STK10: variants seen among roughly 807,000 people sequenced by gnomAD.
The protein encoded by STK10 is serine/threonine-protein kinase 10.
A neutral mutation model predicts 113.8 loss-of-function variants in STK10; 78 were observed. The ratio of observed to expected loss-of-function variants is 0.69; its 90% CI spans 0.57 to 0.83. The LOEUF is 0.83. Ranked by LOEUF, STK10 falls within the 40% of genes least tolerant of loss-of-function variation. STK10 has a pLI of 0.00. For synonymous variants in STK10, 465 were observed against 494.7 expected, an observed-to-expected ratio of 0.94 and a Z score of 0.80; for missense variants, 1,109 against 1,280.1, an observed-to-expected ratio of 0.87 and a Z score of 2.04.
intron 17 of STK10, 40 bp from the exon 18 acceptor site, chr5:172,053,082 G>A: frequency 6.4e-7 from 1 of 1,570,660 alleles, no homozygotes; most frequent in Non-Finnish European, 8.8e-7. Context: ...GAAATCAGAA[G>A]ACGCAGGCCC....
At chr5:172,162,246 C>T (rs1770486599) in intron 1 of STK10, among the ~76,000 whole-genome samples, 1 of 152,006 alleles carries the variant, frequency 6.6e-6, no homozygotes, top group East Asian at 1.9e-4. Context: ...GAGGCTGGGG[C>T]AGGAGAATTG....
chr5:172,134,898 T>C (rs1473727177), intron 2 of STK10, among the ~76,000 whole-genome samples: 1 of 150,240 alleles, frequency 6.7e-6, no homozygotes, highest in Non-Finnish European at 1.5e-5. Context: ...CACGCCAGCC[T>C]GGGAGAAAGA....
chr5:172,093,324 C>T lies in STK10; in HGVS notation c.1554+88G>A, dbSNP rs1044725716. 1 of 1,387,612 alleles carries T rather than the reference C, an allele frequency of 7.2e-7. No individual in the cohort carries two copies. The highest frequency in any genetic ancestry group is 9.8e-7 in the Non-Finnish European group (1 of 1,019,582). The allele number at this position is 1,387,612 out of a possible 1,614,324, so 86.0% of individuals were successfully genotyped here. A position where few individuals can be genotyped will look rare whatever the true frequency, so the allele number is the denominator to read the frequency against. ...ATGAACCACTTAAAATGCAAGGAAG[C>T]CCCTAAATGCTTTTGAAACCAAAAT... On this transcript the variant is annotated intron_variant, in intron 9 of 18. Transcript: ENST00000176763. This position sits in a 1 kb window ranked among gnomAD's most constrained non-coding sequence, Gnocchi z 4.1.
chr5:172,150,699 A>T (rs1770205391), intron 2 of STK10, among the ~76,000 whole-genome samples: 3 of 152,006 alleles, frequency 2.0e-5, no homozygotes, highest in Non-Finnish European at 4.4e-5. Context: ...AGCCACAAAA[A>T]CCCTGGCCAG....
intron 9 of STK10, among the ~76,000 whole-genome samples, chr5:172,090,867 G>A (rs1027232035): frequency 2.7e-5 from 4 of 149,316 alleles, no homozygotes; most frequent in Middle Eastern, 3.5e-3. Flanking sequence ...CCCAGGAGGC[G>A]GAGTTTGCAG....
intron 15 of STK10, among the ~76,000 whole-genome samples, chr5:172,056,181 G>A (rs1187468583): frequency 3.3e-5 from 5 of 152,102 alleles, no homozygotes; most frequent in Admixed American, 3.3e-4. Flanking sequence ...GCTCAGCATG[G>A]GCATCACCTC....
chr5:172,096,384 G>A (rs1357497474), intron 8 of STK10, 42 bp downstream of exon 8: 6 of 1,602,192 alleles, frequency 3.7e-6, no homozygotes, highest in Non-Finnish European at 5.1e-6. Flanking sequence ...CTGAGATCCT[G>A]TCCTCCCAGC....
At chr5:172,141,530 G>A (rs905286032) in intron 2 of STK10, among the ~76,000 whole-genome samples, 1 of 149,996 alleles carries the variant, frequency 6.7e-6, no homozygotes, top group East Asian at 1.9e-4. Context: ...GCAGTGAGCC[G>A]ATTGTGCCAC....
chr5:172,065,292 CTT>C lies in STK10; in HGVS notation c.1990-482_1990-481del, dbSNP rs535856789. Among the ~76,000 whole-genome samples, 250 of 123,158 alleles carry C rather than the reference CTT, an allele frequency of 2.0e-3. 1 individual carries two copies. The highest frequency in any genetic ancestry group is 7.0e-3 in the African/African-American group (228 of 32,506). 80.8% of individuals were successfully genotyped at this position (123,158 alleles called of 152,430 possible). ...TAACACTAGCCGGGCTGAAAATGCA[CTT>C]TTTTTTTTTTTTTTTTTTGAGATGG... On this transcript the variant is annotated intron_variant, in intron 12 of 18. Coordinates refer to ENST00000176763, the MANE Select transcript of STK10 (RefSeq NM_005990.4).
chr5:172,127,385 C>T lies in STK10; in HGVS notation c.358G>A (p.Ala120Thr), dbSNP rs561950892. ...AAGTAAGACTCACCCAGCATGATGG[C>T]GTCCACGGCTCCCCCTGGACAGAAC... The part of the protein sequence containing the change: ...IEFCPGGAVD[A>T]IMLELDRGLT... The change falls in exon 3 of 19, where the codon GCC becomes ACC. Residue 120 changes from alanine (A) to threonine (T), a missense_variant. Around this residue, in one of 5 missense-constraint regions of STK10, gnomAD observed 120 missense variants for 134.8 expected, o/e 0.89. Coordinates refer to ENST00000176763, the MANE Select transcript of STK10 (RefSeq NM_005990.4). 15 of 1,613,734 alleles carry T rather than the reference C, an allele frequency of 9.3e-6. No homozygotes were observed. Among genetic ancestry groups the T allele is most frequent in the South Asian group, 3.3e-5 (3 of 91,078 alleles).
chr5:172,127,097 G>C (rs1192726245), intron 3 of STK10, among the ~76,000 whole-genome samples: 4 of 152,190 alleles, frequency 2.6e-5, no homozygotes. Flanking sequence ...GAACCCGGGA[G>C]GCGGAGGCTG....
At chr5:172,127,167 G>A (rs543265993) in intron 3 of STK10, among the ~76,000 whole-genome samples, 14 of 151,846 alleles carry the variant, frequency 9.2e-5, no homozygotes, top group Non-Finnish European at 1.9e-4. Context: ...GCAAGACTCT[G>A]TCTCAAAAAG....
At chr5:172,106,997 A>C in intron 5 of STK10, 183 bp from the exon 6 acceptor site, 2 of 401,492 alleles carry the variant, frequency 5.0e-6, no homozygotes, top group South Asian at 5.8e-5. Context: ...AAACGCCTCC[A>C]CGCGGCTCCC....
intron 7 of STK10, among the ~76,000 whole-genome samples, chr5:172,103,316 G>A (rs541784577): frequency 3.3e-5 from 5 of 152,372 alleles, no homozygotes; most frequent in African/African-American, 1.2e-4. Context: ...AGGCGTGAAA[G>A]GTGCTTTATT....
At chr5:172,183,775 T>C (rs866659974) in intron 1 of STK10, among the ~76,000 whole-genome samples, 1 of 152,216 alleles carries the variant, frequency 6.6e-6, no homozygotes, top group South Asian at 2.1e-4. Context: ...ATGGTTTTCT[T>C]TTGAAACCAA....
chr5:172,107,956 A>G (rs1485637344), intron 4 of STK10, 104 bp from the exon 5 acceptor site: 2 of 888,022 alleles, frequency 2.3e-6, no homozygotes, highest in Admixed American at 4.6e-5. Flanking sequence ...AACAGATGCC[A>G]TTTTCTATCT....
Position 172,106,783 on chromosome 5 carries a change from T to G in STK10, c.625A>C (p.Met209Leu). Residue 209 changes from methionine (M) to leucine (L), a missense_variant, in exon 6 of 19, where the codon ATG becomes CTG. Physicochemically the swap from Met to Leu is conservative, Grantham distance 15 (BLOSUM62 2). Coordinates refer to ENST00000176763, the MANE Select transcript of STK10 (RefSeq NM_005990.4). ...TTGTAGTCGTAGGGCGTGTCTTTCA[T>G]GGTCTCACACATGACCACCTCGGGG... ...MAPEVVMCET[M>L]KDTPYDYKAD... 6.2e-7 allele frequency: 1 copy of G among 1,614,130 alleles called. No individual in the cohort carries two copies. The highest frequency in any genetic ancestry group is 2.2e-5 in the East Asian group (1 of 44,880).
At chr5:172,162,974 C>T (rs191684990) in intron 1 of STK10, among the ~76,000 whole-genome samples, 5 of 152,326 alleles carry the variant, frequency 3.3e-5, no homozygotes, top group African/African-American at 1.2e-4. Flanking sequence ...TACCCAGCAC[C>T]TCACTCAGAT....
rs375937221 is a variant in STK10 at position 172,188,072 on chromosome 5, C to A, written c.-30G>T. 14 of 1,595,950 alleles carry A rather than the reference C, an allele frequency of 8.8e-6. No individual in the cohort carries two copies. The highest frequency in any genetic ancestry group is 1.2e-5 in the Non-Finnish European group (14 of 1,171,436). Reference sequence around the variant, plus strand: ...GGGGGCGCGGTGGCGCCGGCTCGGGCTCGGGCTCGGGCTCGGGCTGTGGCT... The same window carrying A: ...GGGGGCGCGGTGGCGCCGGCTCGGGATCGGGCTCGGGCTCGGGCTGTGGCT... On this transcript the variant is annotated 5_prime_UTR_variant, in exon 1 of 19. Coordinates refer to ENST00000176763, the MANE Select transcript of STK10 (RefSeq NM_005990.4). The surrounding 1 kb of genome is among the most constrained non-coding windows in gnomAD (Gnocchi z 5.6).
Sources: allele counts gnomAD v4.1 joint callset (sites outside exome capture counted in the v4.1 genomes callset), GRCh38; gene constraint gnomAD v4.1.1; regional missense constraint gnomAD v4.1.1; non-coding constraint Gnocchi (gnomAD v3.1); transcripts MANE v1.5; gene names NCBI Gene and HGNC (gene_info 2026-07-23, HGNC 2026-07-21).